Variants in NCALD observed in about 807,000 individuals in gnomAD.
NCALD encodes neurocalcin delta.
NCALD carries 10 observed loss-of-function variants against 18.6 expected under a neutral mutation model. The ratio of observed to expected loss-of-function variants is 0.54; its 90% CI spans 0.33 to 0.91. NCALD has a LOEUF of 0.91. Among genes scored for constraint, NCALD ranks in the 40% least tolerant of loss-of-function variants. The pLI, the probability that NCALD is intolerant of heterozygous loss-of-function variation, is 0.03. For synonymous variants in NCALD, 88 were observed against 87.4 expected, an observed-to-expected ratio of 1.01 and a Z score of -0.04; for missense variants, 184 against 247.6, an observed-to-expected ratio of 0.74 and a Z score of 1.72.
chr8:101,783,877 C>T lies in NCALD; in HGVS notation c.-20+6985G>A, dbSNP rs945137998. 1.3e-4 allele frequency among the ~76,000 whole-genome samples: 20 copies of T among 152,096 alleles called. 1 individual carries two copies. Among genetic ancestry groups the T allele is most frequent in the African/African-American group, 2.4e-5 (1 of 41,406 alleles). On this transcript the variant is annotated intron_variant, in intron 1 of 3. Transcript: ENST00000220931. ...TGGTTGGTAACAGAAATATATTTTC[C>T]TCCAGAAATTAGGTTAGGTTAGGCC...
At chr8:102,014,699 C>T (rs568407186) in intron 2 of NCALD, among the ~76,000 whole-genome samples, 4 of 152,110 alleles carry the variant, frequency 2.6e-5, no homozygotes, top group Admixed American at 1.3e-4. Flanking sequence ...GCACTATACC[C>T]CCCACCCCAC....
chr8:101,876,490 T>C (rs935638254), intron 4 of NCALD, among the ~76,000 whole-genome samples: 4 of 152,214 alleles, frequency 2.6e-5, no homozygotes, highest in Non-Finnish European at 4.4e-5. Flanking sequence ...AAGACTTATA[T>C]AGACCATGAC....
intron 1 of NCALD, among the ~76,000 whole-genome samples, chr8:101,756,791 T>C (rs1426503574): frequency 6.6e-6 from 1 of 152,248 alleles, no homozygotes; most frequent in Admixed American, 6.5e-5. Flanking sequence ...TGGCTTGATA[T>C]ACATTGTATG....
At chr8:101,944,083 T>TA (rs1437439222) in intron 2 of NCALD, among the ~76,000 whole-genome samples, 1 of 152,180 alleles carries the variant, frequency 6.6e-6, no homozygotes, top group Non-Finnish European at 1.5e-5. Context: ...TTATCCTTCA[T>TA]ATGGGAGGAT....
At chr8:101,873,411 A>T (rs928617754) in intron 4 of NCALD, among the ~76,000 whole-genome samples, 1 of 152,182 alleles carries the variant, frequency 6.6e-6, no homozygotes, top group African/African-American at 2.4e-5. Flanking sequence ...GGAATTACTC[A>T]AGACAGTTTT....
At chr8:101,738,698 T>A (rs1163358056) in intron 1 of NCALD, among the ~76,000 whole-genome samples, 1 of 152,152 alleles carries the variant, frequency 6.6e-6, no homozygotes, top group Non-Finnish European at 1.5e-5. Flanking sequence ...GCTGTTGGCA[T>A]CAGAGGACCC....
intron 1 of NCALD, among the ~76,000 whole-genome samples, chr8:102,034,377 T>C (rs371998994): frequency 6.6e-6 from 1 of 152,214 alleles, no homozygotes. Context: ...CAAGGGATAA[T>C]TGCATCAACA....
intron 1 of NCALD, among the ~76,000 whole-genome samples, chr8:102,084,176 T>G (rs150044523): frequency 6.6e-6 from 1 of 152,350 alleles, no homozygotes; most frequent in African/African-American, 2.4e-5. Context: ...CTTTCACTTA[T>G]GTATCCTGAA....
chr8:102,089,114 G>C (rs779661656), intron 1 of NCALD, among the ~76,000 whole-genome samples: 1 of 152,192 alleles, frequency 6.6e-6, no homozygotes, highest in Non-Finnish European at 1.5e-5. Context: ...AGGCAAATAG[G>C]CCGGGTGCAG....
chr8:101,865,974 A>G (rs1396523563), intron 4 of NCALD, among the ~76,000 whole-genome samples: 1 of 152,140 alleles, frequency 6.6e-6, no homozygotes, highest in African/African-American at 2.4e-5. Flanking sequence ...CACTTGGGTG[A>G]TCTTGTGTCT....
chr8:101,949,164 T>G (rs891318108), intron 2 of NCALD, among the ~76,000 whole-genome samples: 1 of 152,224 alleles, frequency 6.6e-6, no homozygotes, highest in African/African-American at 2.4e-5. Flanking sequence ...TGTATTTGCA[T>G]AGAACTTTCA....
intron 2 of NCALD, among the ~76,000 whole-genome samples, chr8:101,933,835 A>C (rs1396474136): frequency 2.0e-5 from 3 of 152,206 alleles, no homozygotes; most frequent in Non-Finnish European, 4.4e-5. Context: ...AGTTCAGGAC[A>C]GTGGTAGGGG....
chr8:101,804,799 C>A (rs1297188644), intron 4 of NCALD, among the ~76,000 whole-genome samples: 1 of 150,458 alleles, frequency 6.6e-6, no homozygotes, highest in Non-Finnish European at 1.5e-5. Context: ...TTTATATGTA[C>A]CGAGAAACCA....
At chr8:101,804,434 A>G (rs1812997193) in intron 4 of NCALD, among the ~76,000 whole-genome samples, 1 of 130,972 alleles carries the variant, frequency 7.6e-6, no homozygotes, top group Non-Finnish European at 1.5e-5. Flanking sequence ...TAACTGTAAT[A>G]TATAATTGAT....
At chr8:101,722,772 A>T (rs1451170112) in intron 1 of NCALD, among the ~76,000 whole-genome samples, 1 of 152,208 alleles carries the variant, frequency 6.6e-6, no homozygotes, top group African/African-American at 2.4e-5. Flanking sequence ...TTTTTGGTAA[A>T]CAGTAATTAA....
chr8:101,963,677 C>T (rs376665619), intron 2 of NCALD, among the ~76,000 whole-genome samples: 227 of 152,252 alleles, frequency 1.5e-3, no homozygotes, highest in African/African-American at 5.2e-3. Flanking sequence ...AATTTTTATA[C>T]CTACAACTGA....
intron 4 of NCALD, among the ~76,000 whole-genome samples, chr8:101,833,319 C>A (rs1395122931): frequency 6.6e-6 from 1 of 152,192 alleles, no homozygotes; most frequent in Non-Finnish European, 1.5e-5. Context: ...AGACTTTGAG[C>A]ACCAAGAGGC....
At chr8:101,826,113 T>C (rs1813926908) in intron 4 of NCALD, among the ~76,000 whole-genome samples, 2 of 152,050 alleles carry the variant, frequency 1.3e-5, no homozygotes, top group Admixed American at 1.3e-4. Flanking sequence ...TGATACAATA[T>C]TGCCATGGTT....
At chr8:101,911,830 C>A (rs1241018287) in intron 3 of NCALD, among the ~76,000 whole-genome samples, 2 of 152,222 alleles carry the variant, frequency 1.3e-5, no homozygotes, top group African/African-American at 4.8e-5. Context: ...TTGTAGTAAC[C>A]TCTGTGGATA....
Sources: allele counts gnomAD v4.1 joint callset (sites outside exome capture counted in the v4.1 genomes callset), GRCh38; gene constraint gnomAD v4.1.1; transcripts MANE v1.5; gene names NCBI Gene and HGNC (gene_info 2026-07-23, HGNC 2026-07-21).